The following PPM1H variants were observed in gnomAD, a reference collection of about 807,000 sequenced individuals.
PPM1H encodes protein phosphatase, Mg2+/Mn2+ dependent 1H, also known as protein phosphatase 1H.
In PPM1H, 27 loss-of-function variants were observed where a neutral mutation model predicts 54.9. The observed-to-expected ratio is 0.49, with a 90% CI of 0.36 to 0.68. The LOEUF (loss-of-function observed/expected upper bound fraction) is 0.68. Among genes scored for constraint, PPM1H ranks in the 30% least tolerant of loss-of-function variants. PPM1H has a pLI of 0.00. For synonymous variants in PPM1H, 305 were observed against 270.8 expected, an observed-to-expected ratio of 1.13 and a Z score of -1.24; for missense variants, 596 against 667.8, an observed-to-expected ratio of 0.89 and a Z score of 1.19.
At chr12:62,776,162 T>C (rs1238701707) in intron 4 of PPM1H, among the ~76,000 whole-genome samples, 1 of 152,162 alleles carries the variant, frequency 6.6e-6, no homozygotes, top group African/African-American at 2.4e-5. Context: ...GAGTATGTTA[T>C]AGGAACTACA....
At chr12:62,904,235 T>C (rs1478564866) in intron 1 of PPM1H, among the ~76,000 whole-genome samples, 2 of 152,054 alleles carry the variant, frequency 1.3e-5, no homozygotes, top group Admixed American at 1.3e-4. Context: ...AATTAGTTCT[T>C]CATAAATTTT....
chr12:62,669,064 AAC>A (rs2075938549), intron 8 of PPM1H, among the ~76,000 whole-genome samples: 1 of 152,246 alleles, frequency 6.6e-6, no homozygotes, highest in Non-Finnish European at 1.5e-5. Flanking sequence ...TCAAGGGAGG[AAC>A]ACTCAGGAGT....
At chr12:62,887,723 G>C (rs1048793500) in intron 1 of PPM1H, among the ~76,000 whole-genome samples, 16 of 152,136 alleles carry the variant, frequency 1.1e-4, no homozygotes, top group African/African-American at 3.4e-4. Flanking sequence ...CGACTGCATT[G>C]GGGGAAGGGT....
At chr12:62,830,518 G>C (rs557086078) in intron 2 of PPM1H, among the ~76,000 whole-genome samples, 1 of 152,324 alleles carries the variant, frequency 6.6e-6, no homozygotes, top group East Asian at 1.9e-4. Context: ...GCCTCCCAAA[G>C]TGCTGGGATT....
At chr12:62,923,454 T>G (rs556218829) in intron 1 of PPM1H, among the ~76,000 whole-genome samples, 205 of 152,198 alleles carry the variant, frequency 1.3e-3, no homozygotes, top group African/African-American at 4.7e-3. Context: ...CAGGCTGGAG[T>G]GCAATGGCGC....
intron 7 of PPM1H, among the ~76,000 whole-genome samples, chr12:62,692,248 G>C (rs2076087357): frequency 6.6e-6 from 1 of 152,162 alleles, no homozygotes; most frequent in Admixed American, 6.5e-5. Context: ...AGACATGGTG[G>C]CTTTTAAATA....
In PPM1H at chr12:62,850,279, A is replaced by C. The variant is rs73316275; in HGVS notation, c.246-18000T>G. 7.4e-3 allele frequency among the ~76,000 whole-genome samples: 1,121 copies of C among 152,186 alleles called. 20 individuals are homozygous for C. Among genetic ancestry groups the C allele is most frequent in the African/African-American group, 0.026 (1,062 of 41,528 alleles). ...ACTGTGCCTGGGCAACAATTTTTTTAAGTTAGCTTCAAATTCCATGGACAT... is the reference window on the plus strand; with the variant it reads ...ACTGTGCCTGGGCAACAATTTTTTTCAGTTAGCTTCAAATTCCATGGACAT... On this transcript the variant is annotated intron_variant, in intron 1 of 9. Transcript: ENST00000228705.
intron 1 of PPM1H, among the ~76,000 whole-genome samples, chr12:62,908,438 G>GAAAT (rs1871366618): frequency 6.8e-6 from 1 of 146,716 alleles, no homozygotes; most frequent in Non-Finnish European, 1.5e-5. Context: ...AAGAAAGAAA[G>GAAAT]AAATTGAGTT....
intron 4 of PPM1H, among the ~76,000 whole-genome samples, chr12:62,775,668 C>G (rs544317025): frequency 2.0e-5 from 3 of 152,306 alleles, no homozygotes; most frequent in African/African-American, 7.2e-5. Context: ...AAGAGTCAAG[C>G]AAGAGAGGAG....
chr12:62,680,236 C>G (rs1157593375), intron 8 of PPM1H, among the ~76,000 whole-genome samples: 1 of 151,948 alleles, frequency 6.6e-6, no homozygotes, highest in African/African-American at 2.4e-5. Flanking sequence ...CTCTCTCTCT[C>G]TCTTTCTCTT....
intron 2 of PPM1H, among the ~76,000 whole-genome samples, chr12:62,817,151 CTAAAAAAAAGAAAAAAAAAAAAA>C (rs2076873678): frequency 3.4e-5 from 2 of 58,926 alleles, no homozygotes; most frequent in Non-Finnish European, 6.9e-5. Context: ...AAAAAAAAAA[CTAAAAAAAAGAAAAAAAAAAAAA>C]AAAACTGGCC....
intron 8 of PPM1H, among the ~76,000 whole-genome samples, chr12:62,688,777 CT>C (rs1457386071): frequency 6.6e-6 from 1 of 152,138 alleles, no homozygotes; most frequent in African/African-American, 2.4e-5. Context: ...GGGTGGATCA[CT>C]TGAGGTCAGG....
At chr12:62,697,146 A>C (rs1197712502) in intron 6 of PPM1H, among the ~76,000 whole-genome samples, 2 of 107,722 alleles carry the variant, frequency 1.9e-5, no homozygotes, top group African/African-American at 1.1e-4. Flanking sequence ...TTTTTTTTTG[A>C]GACAGAGTCT....
chr12:62,901,340 CTTGAA>C (rs1871159916), intron 1 of PPM1H, among the ~76,000 whole-genome samples: 1 of 152,154 alleles, frequency 6.6e-6, no homozygotes, highest in Non-Finnish European at 1.5e-5. Flanking sequence ...TTTTAAGTTT[CTTGAA>C]TTGGAGGAAA....
intron 1 of PPM1H, among the ~76,000 whole-genome samples, chr12:62,911,845 T>G (rs1193947153): frequency 6.6e-6 from 1 of 152,200 alleles, no homozygotes; most frequent in East Asian, 1.9e-4. Context: ...AGAACACTGG[T>G]TGGTTAGCCC....
At position 62,886,282 on chromosome 12, in the gene PPM1H, C is replaced by A. The variant is rs138238352; in HGVS notation, c.245+48210G>T. 1.2e-3 allele frequency among the ~76,000 whole-genome samples: 186 copies of A among 152,220 alleles called. 1 individual carries two copies. Among genetic ancestry groups the A allele is most frequent in the African/African-American group, 4.4e-3 (183 of 41,528 alleles). ...ACAGTCTCTATATAACTTCTGAGTA[C>A]CAAATCTCTGTTAATTGGAGATACC... is the stretch of plus-strand genomic sequence containing the variant. On this transcript the variant is annotated intron_variant, in intron 1 of 9. Transcript: ENST00000228705.
intron 6 of PPM1H, among the ~76,000 whole-genome samples, chr12:62,712,680 AAAATGT>A (rs2120429761): frequency 6.6e-6 from 1 of 152,356 alleles, no homozygotes; most frequent in Non-Finnish European, 1.5e-5. Context: ...AAGCTGTTCA[AAAATGT>A]AGGCTTTCTA....
chr12:62,898,028 T>C (rs957558970), intron 1 of PPM1H, among the ~76,000 whole-genome samples: 4 of 152,126 alleles, frequency 2.6e-5, no homozygotes, highest in Non-Finnish European at 5.9e-5. Flanking sequence ...AACTGTATAG[T>C]CCAGCCCAGC....
At chr12:62,841,334 T>C (rs1331628585) in intron 1 of PPM1H, among the ~76,000 whole-genome samples, 7 of 152,288 alleles carry the variant, frequency 4.6e-5, no homozygotes, top group Admixed American at 2.6e-4. Flanking sequence ...ATGATTTTTA[T>C]ATTTTAAGTA....
Sources: allele counts gnomAD v4.1 joint callset (sites outside exome capture counted in the v4.1 genomes callset), GRCh38; gene constraint gnomAD v4.1.1; transcripts MANE v1.5; gene names NCBI Gene and HGNC (gene_info 2026-07-23, HGNC 2026-07-21).